Variants in KIF5A observed in about 807,000 individuals in gnomAD.
The protein encoded by KIF5A is kinesin heavy chain isoform 5A.
A neutral mutation model predicts 141.3 loss-of-function variants in KIF5A; 35 were observed. The observed-to-expected ratio is 0.25, with a 90% CI of 0.19 to 0.33. KIF5A has a LOEUF of 0.33. KIF5A is among the 10% of genes least tolerant of loss of function. The pLI, the probability that KIF5A is intolerant of heterozygous loss-of-function variation, is 1.00. For synonymous variants in KIF5A, 448 were observed against 500.2 expected, an observed-to-expected ratio of 0.90 and a Z score of 1.39; for missense variants, 861 against 1,314.3, an observed-to-expected ratio of 0.66 and a Z score of 5.33.
Position 57,571,305 on chromosome 12 carries a change from C to G in KIF5A, c.1294-16C>G. ...GTAGCTTCCCTTCACCTGTCTTTCCCTGTTGCCTCCAACAGGATGATGAAA... is the reference window on the plus strand; with the variant it reads ...GTAGCTTCCCTTCACCTGTCTTTCCGTGTTGCCTCCAACAGGATGATGAAA... On this transcript the variant is annotated splice_polypyrimidine_tract_variant and intron_variant, in intron 12 of 28. Coordinates refer to ENST00000455537, the MANE Select transcript of KIF5A (RefSeq NM_004984.4). The G allele has an allele frequency of 1.3e-6, 2 of 1,497,500 alleles. No individual in the cohort carries two copies. Among genetic ancestry groups the G allele is most frequent in the Non-Finnish European group, 1.9e-6 (2 of 1,073,908 alleles). 92.8% of individuals were successfully genotyped at this position (1,497,500 alleles called of 1,614,324 possible).
chr12:57,575,641 A>G lies in KIF5A; in HGVS notation c.1907A>G (p.His636Arg), dbSNP rs1485918899. 2 of 1,613,876 alleles carry G rather than the reference A, an allele frequency of 1.2e-6. No individual in the cohort carries two copies. The highest frequency in any genetic ancestry group is 2.7e-5 in the African/African-American group (2 of 74,918). ...LSSCQLLISQ[H>R]EAKIRSLTEY... ...CTCTCACCAACTTTCTCCCACCAGC[A>G]TGAGGCCAAGATCCGCTCGCTTACG... is the stretch of plus-strand genomic sequence containing the variant. The change falls in exon 17 of 29, where the codon CAT becomes CGT. Residue 636 changes from histidine to arginine, a missense_variant and splice_region_variant. His to Arg is a conservative substitution (Grantham distance 29, BLOSUM62 0). Transcript: ENST00000455537.
At chr12:57,563,867 C>G (rs1466963031) in intron 3 of KIF5A, among the ~76,000 whole-genome samples, 174 bp downstream of exon 3, 3 of 152,158 alleles carry the variant, frequency 2.0e-5, no homozygotes, top group African/African-American at 7.2e-5. Context: ...TCCCTCCAAC[C>G]CACTGCAGTG....
At chr12:57,582,438 CG>C (rs1309349400) in intron 26 of KIF5A, among the ~76,000 whole-genome samples, 163 bp from the exon 27 acceptor site, 1 of 152,022 alleles carries the variant, frequency 6.6e-6, no homozygotes, top group African/African-American at 2.4e-5. Context: ...AACTTTTTCT[CG>C]AACAAAATAA....
chr12:57,570,088 G>A lies in KIF5A; in HGVS notation c.1219G>A (p.Val407Met), dbSNP rs1216923500. ...TGTGAATGACAACTCATCCATCGTG[G>A]TGCGCATCGCGCCCGAGGAGCGGCA... ...TPVNDNSSIV[V>M]RIAPEERQKY... The change falls in exon 12 of 29, where the codon GTG becomes ATG. Residue 407 changes from valine to methionine, a missense_variant. Coordinates refer to ENST00000455537, the MANE Select transcript of KIF5A (RefSeq NM_004984.4). The A allele has an allele frequency of 1.2e-6, 2 of 1,614,084 alleles. No individual in the cohort carries two copies. Among genetic ancestry groups the A allele is most frequent in the Admixed American group, 1.7e-5 (1 of 60,010 alleles).
chr12:57,564,261 A>G (rs377545864), intron 4 of KIF5A, 49 bp downstream of exon 4: 2 of 1,360,678 alleles, frequency 1.5e-6, no homozygotes, highest in East Asian at 2.3e-5. Flanking sequence ...TGGGAGGGGA[A>G]GATCTAAAAT....
rs1484453147 is a variant in KIF5A at position 57,584,759 on chromosome 12, A to G, written c.*578A>G. On this transcript the variant is annotated 3_prime_UTR_variant, in exon 29 of 29. Coordinates refer to ENST00000455537, the MANE Select transcript of KIF5A (RefSeq NM_004984.4). ...TAAAATGGAAGGGCTGCTAATTGAG[A>G]CATATAATTTTCTTCATACACCCCT... 1 of 152,540 alleles carries G rather than the reference A, an allele frequency of 6.6e-6. No individual in the cohort carries two copies. The highest frequency in any genetic ancestry group is 1.5e-5 in the Non-Finnish European group (1 of 68,040). 9.4% of individuals were successfully genotyped at this position (152,540 alleles called of 1,614,324 possible).
intron 1 of KIF5A, among the ~76,000 whole-genome samples, chr12:57,558,720 CAG>C (rs936787325): frequency 3.3e-5 from 5 of 152,174 alleles, no homozygotes; most frequent in South Asian, 4.1e-4. Context: ...CAAAACAAAA[CAG>C]AGTCTTGGAC....
In KIF5A at chr12:57,568,981, G is replaced by C; in HGVS notation, c.733G>C (p.Glu245Gln). The change falls in exon 9 of 29, where the codon GAG (glutamate) becomes CAG (glutamine). Residue 245 changes from glutamate to glutamine, a missense_variant. Physicochemically the swap from Glu to Gln is conservative, Grantham distance 29. Transcript: ENST00000455537. Reference sequence around the variant, plus strand: ...CTGGTAGGTCAGCAAGACTGGAGCAGAGGGAGCCGTGCTGGACGAGGCAAA... The same window carrying C: ...CTGGTAGGTCAGCAAGACTGGAGCACAGGGAGCCGTGCTGGACGAGGCAAA... Reference protein sequence around the residue: ...GSEKVSKTGAEGAVLDEAKNI... With the variant: ...GSEKVSKTGAQGAVLDEAKNI... 1 of 1,613,944 alleles carries C rather than the reference G, an allele frequency of 6.2e-7. No individual in the cohort carries two copies. The highest frequency in any genetic ancestry group is 8.5e-7 in the Non-Finnish European group (1 of 1,179,980).
intron 19 of KIF5A, 94 bp from the exon 20 acceptor site, chr12:57,576,667 C>T (rs530681528): frequency 6.5e-6 from 6 of 927,314 alleles, no homozygotes; most frequent in Admixed American, 1.7e-5. Context: ...TGGACTCACT[C>T]GTTCAAAAAG....
Position 57,570,060 on chromosome 12 carries a change from C to T in KIF5A, c.1191C>T (p.Thr397=), listed in dbSNP as rs1064797169. Residue 397 remains threonine (T), a synonymous_variant, in exon 12 of 29, where the codon ACC becomes ACT. Transcript: ENST00000455537. Reference sequence around the variant, plus strand: ...TGGGAGCCGAGCTCTGTGAGGAGACCCCTGTGAATGACAACTCATCCATCG... The same window carrying T: ...TGGGAGCCGAGCTCTGTGAGGAGACTCCTGTGAATGACAACTCATCCATCG... ...AALGAELCEE[T]PVNDNSSIVV... is the part of the protein sequence containing the mutation. 1.2e-6 allele frequency: 2 copies of T among 1,614,180 alleles called. No homozygotes were observed. Among genetic ancestry groups the T allele is most frequent in the Non-Finnish European group, 1.7e-6 (2 of 1,180,016 alleles).
chr12:57,563,417 A>T lies in KIF5A; in HGVS notation c.130-22A>T, dbSNP rs748074868. ...CTCACATCCTGCCTGTTGACGTCTG[A>T]TATCTTTTATTTTCATTCCAGGGGA... On this transcript the variant is annotated intron_variant, in intron 1 of 28. Coordinates refer to ENST00000455537, the MANE Select transcript of KIF5A (RefSeq NM_004984.4). 6 of 1,564,962 alleles carry T rather than the reference A, an allele frequency of 3.8e-6. No individual in the cohort carries two copies. In the South Asian group the frequency reaches 6.7e-5, roughly 17 times the overall value.
At chr12:57,580,109 G>T (rs1882550523) in intron 23 of KIF5A, among the ~76,000 whole-genome samples, 1 of 152,204 alleles carries the variant, frequency 6.6e-6, no homozygotes, top group Non-Finnish European at 1.5e-5. Flanking sequence ...AATGGAAACT[G>T]CATGGAAGGG....
At chr12:57,564,873 C>A in intron 5 of KIF5A, 45 bp from the exon 6 acceptor site, 2 of 1,570,646 alleles carry the variant, frequency 1.3e-6, no homozygotes, top group Non-Finnish European at 1.8e-6. Flanking sequence ...CAGATGGGGG[C>A]GGTGGAAGTA....
At chr12:57,566,020 G>A (rs957801494) in intron 6 of KIF5A, among the ~76,000 whole-genome samples, 3 of 152,024 alleles carry the variant, frequency 2.0e-5, no homozygotes, top group Admixed American at 1.3e-4. Context: ...AATTGCTTGA[G>A]CTCAAGAGTT....
At position 57,583,180 on chromosome 12, in the gene KIF5A, T is replaced by C. The variant is rs1882659099; in HGVS notation, c.*1T>C. On this transcript the variant is annotated 3_prime_UTR_variant, in exon 28 of 29. Transcript: ENST00000455537. ...CCACCAAGAGACAGCAGCCAGCTAA[T>C]CTCCCACACCCACGGCTGCATACCT... 12 of 1,613,528 alleles carry C rather than the reference T, an allele frequency of 7.4e-6. No homozygotes were observed. The highest frequency in any genetic ancestry group is 8.5e-6 in the Non-Finnish European group (10 of 1,179,710).
chr12:57,558,831 A>G (rs1881823153), intron 1 of KIF5A, among the ~76,000 whole-genome samples: 1 of 152,054 alleles, frequency 6.6e-6, no homozygotes. Context: ...GCTGGAGTGC[A>G]GTGGTGCAAT....
chr12:57,560,740 G>A (rs560714112), intron 1 of KIF5A, among the ~76,000 whole-genome samples: 3 of 152,124 alleles, frequency 2.0e-5, no homozygotes, highest in African/African-American at 7.2e-5. Flanking sequence ...GGTGGCTCAC[G>A]CTTGCAATCC....
In KIF5A at chr12:57,567,322, G is replaced by T. The variant is rs1036520875; in HGVS notation, c.589+109G>T. The T allele has an allele frequency of 7.4e-6, 9 of 1,216,904 alleles. No individual in the cohort carries two copies. The East Asian group carries it at 2.0e-4, about 27-fold the overall frequency. 75.4% of individuals were successfully genotyped at this position (1,216,904 alleles called of 1,614,324 possible). On this transcript the variant is annotated intron_variant, in intron 7 of 28. Coordinates refer to ENST00000455537, the MANE Select transcript of KIF5A (RefSeq NM_004984.4). ...AGCAAGGAAACTGTACCCCCCAGAG[G>T]AGGAGGACCCCTTGTCTGTGGGACC...
At chr12:57,576,030 A>G (rs1471920436) in intron 17 of KIF5A, 57 bp from the exon 18 acceptor site, 1 of 1,542,266 alleles carries the variant, frequency 6.5e-7, no homozygotes, top group Non-Finnish European at 9.0e-7. Context: ...TCACAACGTG[A>G]AGTTCTTTCC....
Sources: gnomAD v4.1 joint callset for allele counts (sites outside exome capture counted in the v4.1 genomes callset) on GRCh38, gnomAD v4.1.1 for gene constraint, MANE v1.5 for transcripts, NCBI Gene and HGNC (gene_info 2026-07-23, HGNC 2026-07-21) for gene names.